Variants in XKR9 observed in about 807,000 individuals in gnomAD.
XKR9 encodes XK related 9.
XKR9 carries 32 observed loss-of-function variants against 32.0 expected under a neutral mutation model. That is an observed-to-expected ratio of 1.00 (90% CI 0.76 to 1.34). XKR9 has a LOEUF of 1.34. Ranked by LOEUF, XKR9 falls within the 40% of genes most tolerant of loss-of-function variation. The pLI is 0.00. For missense variants in XKR9, 546 were observed against 429.7 expected, an observed-to-expected ratio of 1.27 and a Z score of -2.39; for synonymous variants, 168 against 143.4, an observed-to-expected ratio of 1.17 and a Z score of -1.22.
At chr8:70,950,679 GTT>G in the XKR9 span, among the ~76,000 whole-genome samples, 1,465 of 151,692 alleles carry the variant, frequency 9.7e-3, 23 homozygotes, top group African/African-American at 0.034. Context: ...TCTATTCTTT[GTT>G]TTTTTCTTTT....
At chr8:70,888,009 A>G in the XKR9 span, among the ~76,000 whole-genome samples, 1 of 152,088 alleles carries the variant, frequency 6.6e-6, no homozygotes, top group African/African-American at 2.4e-5. Flanking sequence ...GCTAGTTTTC[A>G]AAGGGAATGC....
the XKR9 span, among the ~76,000 whole-genome samples, chr8:70,852,649 C>G: frequency 6.6e-6 from 1 of 152,094 alleles, no homozygotes; most frequent in Non-Finnish European, 1.5e-5. Context: ...CATATATACA[C>G]CATGGAATAC....
chr8:70,755,275 A>T (rs1409739460), intron 2 of XKR9, among the ~76,000 whole-genome samples: 1 of 152,168 alleles, frequency 6.6e-6, no homozygotes, highest in Non-Finnish European at 1.5e-5. Flanking sequence ...GCTGGAGAGG[A>T]TGTGGAGAAA....
chr8:70,732,739 A>T (rs1294106559), intron 4 of XKR9, among the ~76,000 whole-genome samples: 1 of 152,208 alleles, frequency 6.6e-6, no homozygotes, highest in African/African-American at 2.4e-5. Flanking sequence ...CCAAGAGAGC[A>T]TGCAAATGTA....
At chr8:70,684,607 C>A (rs972806852) in intron 3 of XKR9, among the ~76,000 whole-genome samples, 7 of 151,272 alleles carry the variant, frequency 4.6e-5, no homozygotes, top group Non-Finnish European at 1.0e-4. Flanking sequence ...TGACAAAGGG[C>A]TAATATCCAG....
chr8:71,000,522 A>C, the XKR9 span, among the ~76,000 whole-genome samples: 2 of 152,186 alleles, frequency 1.3e-5, no homozygotes, highest in African/African-American at 4.8e-5. Flanking sequence ...GAAAAGATAG[A>C]TTCTAAAAAA....
chr8:70,764,067 A>G (rs1793566829), intron 2 of XKR9, among the ~76,000 whole-genome samples: 2 of 152,152 alleles, frequency 1.3e-5, no homozygotes, highest in Non-Finnish European at 2.9e-5. Flanking sequence ...AGCCTTATTG[A>G]TGAGCTCTCC....
chr8:70,724,293 G>A (rs1029997708), intron 4 of XKR9, among the ~76,000 whole-genome samples: 1 of 152,166 alleles, frequency 6.6e-6, no homozygotes, highest in African/African-American at 2.4e-5. Flanking sequence ...AGAATTTCAA[G>A]TCAGTGGTTC....
the XKR9 span, among the ~76,000 whole-genome samples, chr8:70,997,246 G>A: frequency 2.6e-5 from 4 of 152,030 alleles, no homozygotes; most frequent in African/African-American, 9.6e-5. Context: ...GCAGTGAGCT[G>A]AGATTGCGCC....
At chr8:71,018,603 G>C in the XKR9 span, among the ~76,000 whole-genome samples, 1 of 152,162 alleles carries the variant, frequency 6.6e-6, no homozygotes, top group East Asian at 1.9e-4. Flanking sequence ...GGATATATTT[G>C]ATTTCCCAGA....
the XKR9 span, among the ~76,000 whole-genome samples, chr8:70,809,606 G>C: frequency 6.6e-6 from 1 of 152,224 alleles, no homozygotes. Flanking sequence ...TAAAGGACCT[G>C]ATGGAGCTGA....
chr8:71,000,743 T>G, the XKR9 span, among the ~76,000 whole-genome samples: 1 of 152,204 alleles, frequency 6.6e-6, no homozygotes, highest in East Asian at 1.9e-4. Context: ...TTCTGGTGTT[T>G]GCCATGCTCA....
At chr8:70,808,292 C>A in the XKR9 span, among the ~76,000 whole-genome samples, 4 of 152,158 alleles carry the variant, frequency 2.6e-5, no homozygotes, top group Non-Finnish European at 5.9e-5. Flanking sequence ...AGTTATAGCA[C>A]TAGATGCCCA....
chr8:70,976,201 G>C, the XKR9 span, among the ~76,000 whole-genome samples: 2 of 151,762 alleles, frequency 1.3e-5, no homozygotes, highest in Non-Finnish European at 2.9e-5. Context: ...GGGACAATTT[G>C]ACTTCTACCC....
At chr8:70,726,320 T>C (rs1806469134) in intron 4 of XKR9, among the ~76,000 whole-genome samples, 1 of 152,168 alleles carries the variant, frequency 6.6e-6, no homozygotes, top group African/African-American at 2.4e-5. Context: ...CGTCAATTCA[T>C]GAAGAAAAAA....
the XKR9 span, among the ~76,000 whole-genome samples, chr8:70,971,845 T>G: frequency 6.6e-6 from 1 of 152,252 alleles, no homozygotes; most frequent in South Asian, 2.1e-4. Context: ...ACCAGTACCA[T>G]GCTGTTGGTG....
intron 3 of XKR9, among the ~76,000 whole-genome samples, chr8:70,698,647 A>G (rs1450770124): frequency 5.9e-5 from 9 of 152,048 alleles, no homozygotes; most frequent in Non-Finnish European, 7.4e-5. Context: ...GGTGCTGAAA[A>G]AAATGTATAT....
chr8:70,861,489 A>AG, the XKR9 span, among the ~76,000 whole-genome samples: 2 of 53,686 alleles, frequency 3.7e-5, no homozygotes, highest in Non-Finnish European at 6.6e-5. Flanking sequence ...TGTGTCTATC[A>AG]AAAAAAAAAA....
chr8:70,893,615 A>T, the XKR9 span, among the ~76,000 whole-genome samples: 1 of 152,224 alleles, frequency 6.6e-6, no homozygotes, highest in Non-Finnish European at 1.5e-5. Flanking sequence ...GCTGTGTTCG[A>T]CATTTGCAAT....
Sources: gnomAD v4.1 joint callset for allele counts (sites outside exome capture counted in the v4.1 genomes callset) on GRCh38, gnomAD v4.1.1 for gene constraint, MANE v1.5 for transcripts, NCBI Gene and HGNC (gene_info 2026-07-23, HGNC 2026-07-21) for gene names.